Variants in SHROOM3 observed in about 807,000 individuals in gnomAD.
The protein encoded by SHROOM3 is protein Shroom3.
In SHROOM3, 47 loss-of-function variants were observed where a neutral mutation model predicts 138.6. That is an observed-to-expected ratio of 0.34 (90% CI 0.27 to 0.43). The LOEUF (loss-of-function observed/expected upper bound fraction) is 0.43. Ranked by LOEUF, SHROOM3 falls within the 20% of genes least tolerant of loss-of-function variation. SHROOM3 has a pLI of 1.00. For missense variants in SHROOM3, 2,491 were observed against 2,596.5 expected, an observed-to-expected ratio of 0.96 and a Z score of 0.88; for synonymous variants, 1,062 against 1,063.3, an observed-to-expected ratio of 1.00 and a Z score of 0.02.
intron 2 of SHROOM3, among the ~76,000 whole-genome samples, chr4:76,557,858 G>A (rs2110030901): frequency 6.6e-6 from 1 of 152,316 alleles, no homozygotes; most frequent in Non-Finnish European, 1.5e-5. Flanking sequence ...GCCAACTCTA[G>A]GCATAGGCTC....
intron 1 of SHROOM3, among the ~76,000 whole-genome samples, chr4:76,521,371 C>T (rs1038126548): frequency 1.1e-4 from 16 of 152,202 alleles, no homozygotes; most frequent in African/African-American, 3.6e-4. Flanking sequence ...TATGATGTTG[C>T]TATTACAAAC....
At chr4:76,593,044 C>T (rs1016893011) in intron 2 of SHROOM3, among the ~76,000 whole-genome samples, 3 of 152,248 alleles carry the variant, frequency 2.0e-5, no homozygotes, top group East Asian at 3.9e-4. Flanking sequence ...TGATGACTAG[C>T]TCAGGAAATT....
intron 2 of SHROOM3, among the ~76,000 whole-genome samples, chr4:76,608,248 G>A (rs536913565): frequency 6.6e-6 from 1 of 152,204 alleles, no homozygotes; most frequent in Non-Finnish European, 1.5e-5. Context: ...TCTCGAGGGA[G>A]CGCATTCGTT....
At chr4:76,604,406 CA>C (rs1178730663) in intron 2 of SHROOM3, among the ~76,000 whole-genome samples, 2 of 152,132 alleles carry the variant, frequency 1.3e-5, no homozygotes, top group Non-Finnish European at 2.9e-5. Context: ...GATGGTTTTG[CA>C]GCTTTGGGTT....
intron 1 of SHROOM3, among the ~76,000 whole-genome samples, chr4:76,439,575 A>G (rs1237599128): frequency 6.6e-6 from 1 of 152,074 alleles, no homozygotes; most frequent in East Asian, 1.9e-4. Context: ...TCTTCTCTCT[A>G]AGACAATGAA....
chr4:76,593,946 G>C (rs902932287), intron 2 of SHROOM3, among the ~76,000 whole-genome samples: 1 of 152,130 alleles, frequency 6.6e-6, no homozygotes, highest in Non-Finnish European at 1.5e-5. Context: ...CAGGTTGCTC[G>C]GTTATGATCA....
chr4:76,643,423 A>G (rs945835630), intron 2 of SHROOM3, among the ~76,000 whole-genome samples: 4 of 152,158 alleles, frequency 2.6e-5, no homozygotes, highest in Non-Finnish European at 4.4e-5. Context: ...AGACAGAGAG[A>G]CAGGATTCAG....
intron 4 of SHROOM3, among the ~76,000 whole-genome samples, chr4:76,738,480 C>T (rs975058692): frequency 3.3e-5 from 5 of 152,226 alleles, no homozygotes; most frequent in Non-Finnish European, 5.9e-5. Flanking sequence ...CATCAAAGTG[C>T]TGCCTGTGCC....
At chr4:76,637,942 G>A (rs1331894155) in intron 2 of SHROOM3, among the ~76,000 whole-genome samples, 2 of 152,234 alleles carry the variant, frequency 1.3e-5, no homozygotes, top group South Asian at 2.1e-4. Flanking sequence ...GACTCAATTC[G>A]TGTGCTGAGT....
In SHROOM3 at chr4:76,739,175, G is replaced by C. The variant is rs745862820; in HGVS notation, c.1002G>C (p.Glu334Asp). 1.7e-5 allele frequency: 28 copies of C among 1,614,038 alleles called. No individual in the cohort carries two copies. The Middle Eastern group carries it at 4.9e-4, about 28-fold the overall frequency. ...CAGCCCTGCTGCTTCAAGGTAGGGA[G>C]GCCCGAGCCTCAGCAAATGGTCAGG... ...NSSALLLQGR[E>D]ARASANGQGY... Residue 334 changes from glutamate (E) to aspartate (D), a missense_variant, in exon 5 of 11, where the codon GAG becomes GAC. Physicochemically the swap from Glu to Asp is conservative, Grantham distance 45. Around this residue, in one of 4 missense-constraint regions of SHROOM3, gnomAD observed 1,733 missense variants for 1,661.6 expected, o/e 1.04. Coordinates refer to ENST00000296043, the MANE Select transcript of SHROOM3 (RefSeq NM_020859.4).
chr4:76,665,666 T>C (rs1218684900), intron 2 of SHROOM3, among the ~76,000 whole-genome samples: 5 of 152,236 alleles, frequency 3.3e-5, no homozygotes, highest in African/African-American at 9.6e-5. Context: ...CTGTCTCTCA[T>C]GATCCCAATA....
intron 1 of SHROOM3, among the ~76,000 whole-genome samples, chr4:76,440,767 C>T (rs746689830): frequency 2.6e-5 from 4 of 152,160 alleles, no homozygotes; most frequent in South Asian, 2.1e-4. Context: ...AGCACTCCTC[C>T]ATCAGTGCTT....
In SHROOM3 at chr4:76,780,728, T is replaced by C. The variant is rs1381531706; in HGVS notation, c.*1551T>C. On this transcript the variant is annotated 3_prime_UTR_variant, in exon 11 of 11. Transcript: ENST00000296043. ...TCCTTTGCATAGTCAACCAAAGCTA[T>C]GGCTTTGTTCTTTGGAGCTTATATA... 2 of 152,208 alleles carry C rather than the reference T, an allele frequency of 1.3e-5. No homozygotes were observed. Among genetic ancestry groups the C allele is most frequent in the Non-Finnish European group, 2.9e-5 (2 of 68,038 alleles). 9.4% of individuals were successfully genotyped at this position (152,208 alleles called of 1,614,324 possible). A position where few individuals can be genotyped will look rare whatever the true frequency, so the allele number is the denominator to read the frequency against.
chr4:76,769,674 G>C (rs1298589251), intron 9 of SHROOM3, among the ~76,000 whole-genome samples: 3 of 152,204 alleles, frequency 2.0e-5, no homozygotes, highest in Admixed American at 6.5e-5. Context: ...AATTTCTAAT[G>C]ATTGTACAAG....
chr4:76,511,863 G>A (rs1485289890), intron 1 of SHROOM3, among the ~76,000 whole-genome samples: 1 of 152,176 alleles, frequency 6.6e-6, no homozygotes, highest in African/African-American at 2.4e-5. Context: ...GTGGGAGACA[G>A]ACCATGAAGT....
chr4:76,441,090 T>TTTTTTTG (rs1560506891), intron 1 of SHROOM3, among the ~76,000 whole-genome samples: 1 of 130,174 alleles, frequency 7.7e-6, no homozygotes, highest in Admixed American at 7.8e-5. Flanking sequence ...CAATTTGTTT[T>TTTTTTTG]TTTTTTTTTT....
chr4:76,555,198 T>C lies in SHROOM3; in HGVS notation c.169-411T>C, dbSNP rs1733458650. Among the ~76,000 whole-genome samples the C allele has an allele frequency of 2.0e-5, 3 of 152,020 alleles. 1 individual carries two copies. In the South Asian group the frequency reaches 6.3e-4, roughly 32 times the overall value. ...CGCCCACACCCCATCCGTGGAAAAA[T>C]TGTCTTCCACAAAACTGGTCCCTGG... On this transcript the variant is annotated intron_variant, in intron 1 of 10. Transcript: ENST00000296043.
chr4:76,779,128 G>A lies in SHROOM3; in HGVS notation c.5942G>A (p.Gly1981Glu). ...CTCACGAGTGAGCCCATTCCTGCTG[G>A]GGGCTGTACTTTCAGTGGTATTTTC... ...PNLTSEPIPA[G>E]GCTFSGIFPT... Residue 1981 changes from glycine to glutamate, a missense_variant, in exon 11 of 11, where the codon GGG becomes GAG. Gly to Glu is a moderately conservative substitution (Grantham distance 98, BLOSUM62 -2). Transcript: ENST00000296043. The A allele has an allele frequency of 1.9e-6, 3 of 1,613,976 alleles. No homozygotes were observed. The highest frequency in any genetic ancestry group is 2.5e-6 in the Non-Finnish European group (3 of 1,179,920).
At chr4:76,440,525 A>G (rs1730648475) in intron 1 of SHROOM3, among the ~76,000 whole-genome samples, 2 of 152,210 alleles carry the variant, frequency 1.3e-5, no homozygotes, top group Non-Finnish European at 1.5e-5. Context: ...ACATAGTCCA[A>G]TAAGATTCCA....
Sources: allele counts gnomAD v4.1 joint callset (sites outside exome capture counted in the v4.1 genomes callset), GRCh38; gene constraint gnomAD v4.1.1; regional missense constraint gnomAD v4.1.1; transcripts MANE v1.5; gene names NCBI Gene and HGNC (gene_info 2026-07-23, HGNC 2026-07-21).